The following FGF14 variants were observed in gnomAD, a reference collection of about 807,000 sequenced individuals.
The protein encoded by FGF14 is fibroblast growth factor 14.
A neutral mutation model predicts 25.5 loss-of-function variants in FGF14; 5 were observed. The observed-to-expected ratio is 0.20, with a 90% confidence interval of 0.10 to 0.41. FGF14 has a LOEUF of 0.41. Ranked by LOEUF, FGF14 falls within the 10% of genes least tolerant of loss-of-function variation. The pLI is 1.00. For synonymous variants in FGF14, 138 were observed against 118.3 expected (o/e 1.17, Z -1.08); for missense variants, 222 against 320.1 (o/e 0.69, Z 2.34).
intron 1 of FGF14, among the ~76,000 whole-genome samples, chr13:102,181,590 A>T (rs549057870): frequency 6.6e-6 from 1 of 152,298 alleles, no homozygotes; most frequent in Middle Eastern, 3.4e-3. Flanking sequence ...GATTGAGGCA[A>T]TGCAGCTGCA....
At chr13:101,734,476 C>T (rs548842295) in intron 3 of FGF14, among the ~76,000 whole-genome samples, 2 of 152,228 alleles carry the variant, frequency 1.3e-5, no homozygotes, top group Admixed American at 6.5e-5. Context: ...CATGTATAAA[C>T]TCCTAAAATA....
intron 3 of FGF14, among the ~76,000 whole-genome samples, chr13:101,864,950 A>T (rs2044620872): frequency 6.6e-6 from 1 of 152,146 alleles, no homozygotes; most frequent in South Asian, 2.1e-4. Flanking sequence ...AAATCATGTA[A>T]TCTGACAGAT....
chr13:101,723,470 G>C (rs942456829), intron 4 of FGF14, among the ~76,000 whole-genome samples: 4 of 152,028 alleles, frequency 2.6e-5, no homozygotes, highest in Non-Finnish European at 5.9e-5. Flanking sequence ...AAGCAACATA[G>C]TCATACTAGT....
At chr13:101,905,028 AG>A (rs1274297399) in intron 1 of FGF14, among the ~76,000 whole-genome samples, 3 of 152,340 alleles carry the variant, frequency 2.0e-5, no homozygotes, top group East Asian at 3.9e-4. Context: ...TTACTCCAAA[AG>A]GAAAGTCTAA....
chr13:102,194,862 A>T (rs2049280617), intron 1 of FGF14, among the ~76,000 whole-genome samples: 1 of 152,188 alleles, frequency 6.6e-6, no homozygotes, highest in Non-Finnish European at 1.5e-5. Context: ...TGAACACAGT[A>T]ATAGAGAAGT....
intron 1 of FGF14, among the ~76,000 whole-genome samples, chr13:102,326,712 A>T (rs1440207648): frequency 2.1e-4 from 17 of 82,140 alleles, no homozygotes; most frequent in African/African-American, 8.9e-4. Flanking sequence ...GGAAGGAAGG[A>T]AGGAAGGAAG....
intron 1 of FGF14, among the ~76,000 whole-genome samples, chr13:101,977,891 T>C (rs1046065210): frequency 6.6e-6 from 1 of 151,094 alleles, no homozygotes; most frequent in Non-Finnish European, 1.5e-5. Flanking sequence ...ATCAGCTAAC[T>C]ATCAGCTAAA....
At chr13:101,927,343 T>A (rs1408730141) in intron 1 of FGF14, among the ~76,000 whole-genome samples, 1 of 152,146 alleles carries the variant, frequency 6.6e-6, no homozygotes, top group Non-Finnish European at 1.5e-5. Context: ...CAAACACAAA[T>A]TTTTCCCCAA....
intron 3 of FGF14, among the ~76,000 whole-genome samples, chr13:101,817,471 C>G (rs1486511267): frequency 6.6e-6 from 1 of 152,142 alleles, no homozygotes. Flanking sequence ...TTCAGAAAAG[C>G]AAAGCACAGT....
intron 3 of FGF14, among the ~76,000 whole-genome samples, chr13:101,803,762 T>G (rs1377183560): frequency 6.6e-6 from 1 of 152,074 alleles, no homozygotes; most frequent in Non-Finnish European, 1.5e-5. Context: ...GTTGCTGCAT[T>G]TATTGAGCCA....
intron 1 of FGF14, among the ~76,000 whole-genome samples, chr13:102,205,900 C>G (rs941474309): frequency 4.1e-5 from 6 of 146,588 alleles, no homozygotes; most frequent in African/African-American, 1.5e-4. Flanking sequence ...GAGCATCACA[C>G]ACTAGACTAT....
chr13:102,230,194 A>C (rs1326105276), intron 1 of FGF14, among the ~76,000 whole-genome samples: 1 of 152,176 alleles, frequency 6.6e-6, no homozygotes, highest in Non-Finnish European at 1.5e-5. Context: ...GTCTATGAGG[A>C]GTGGGCCCTC....
chr13:102,235,522 G>A (rs1161848986), intron 1 of FGF14, among the ~76,000 whole-genome samples: 4 of 152,064 alleles, frequency 2.6e-5, no homozygotes, highest in South Asian at 2.1e-4. Context: ...TGATTCGTGC[G>A]CACCTTAACA....
chr13:102,336,062 C>A (rs555040854), intron 1 of FGF14, among the ~76,000 whole-genome samples: 1 of 152,218 alleles, frequency 6.6e-6, no homozygotes, highest in Non-Finnish European at 1.5e-5. Context: ...ATTAAGAACC[C>A]TACATGGCCT....
At chr13:102,088,614 A>G (rs1329611461) in intron 1 of FGF14, among the ~76,000 whole-genome samples, 1 of 152,184 alleles carries the variant, frequency 6.6e-6, no homozygotes, top group African/African-American at 2.4e-5. Context: ...TCAATCCATA[A>G]GGTATTTGAC....
At chr13:101,801,785 C>A (rs780944308) in intron 3 of FGF14, 4 of 164,478 alleles carry the variant, frequency 2.4e-5, no homozygotes, top group Non-Finnish European at 4.0e-5. Context: ...TAGAGAGGGG[C>A]CTCTCAGGGA....
intron 1 of FGF14, among the ~76,000 whole-genome samples, chr13:102,094,014 C>A (rs1225852986): frequency 6.8e-6 from 1 of 148,012 alleles, no homozygotes. Context: ...CAAGAAAAAG[C>A]AAAGTCATGG....
intron 3 of FGF14, among the ~76,000 whole-genome samples, chr13:101,776,582 T>G (rs1162678338): frequency 3.3e-5 from 5 of 152,142 alleles, no homozygotes; most frequent in Non-Finnish European, 7.3e-5. Flanking sequence ...CAGCTCCAGC[T>G]AGAGTCACTG....
intron 3 of FGF14, among the ~76,000 whole-genome samples, chr13:101,773,427 A>T (rs984072803): frequency 1.3e-5 from 2 of 151,864 alleles, no homozygotes; most frequent in African/African-American, 4.8e-5. Flanking sequence ...TTTTCTTGTC[A>T]GTGATATAGG....
Sources: gnomAD v4.1 joint callset for allele counts (sites outside exome capture counted in the v4.1 genomes callset) on GRCh38, gnomAD v4.1.1 for gene constraint, MANE v1.5 for transcripts, NCBI Gene and HGNC (gene_info 2026-07-23, HGNC 2026-07-21) for gene names.